Variants in ICE1 observed in about 807,000 individuals in gnomAD.
ICE1 encodes the protein interactor of little elongation complex ELL subunit 1, also known as little elongation complex subunit 1.
ICE1 carries 64 observed loss-of-function variants against 192.7 expected under a neutral mutation model. That is an observed-to-expected ratio of 0.33 (90% CI 0.27 to 0.41). The LOEUF (loss-of-function observed/expected upper bound fraction) is 0.41, where lower values mean the gene tolerates loss of function less well. Ranked by LOEUF, ICE1 falls within the 10% of genes least tolerant of loss-of-function variation. The pLI, the probability that ICE1 is intolerant of heterozygous loss-of-function variation, is 1.00. For missense variants in ICE1, 2,708 were observed against 2,696.0 expected, an observed-to-expected ratio of 1.00 and a Z score of -0.10; for synonymous variants, 1,010 against 984.5, an observed-to-expected ratio of 1.03 and a Z score of -0.49.
At position 5,454,610 on chromosome 5, in the gene ICE1, A is replaced by G. The variant is rs1326303372; in HGVS notation, c.663A>G (p.Leu221=). The change falls in exon 11 of 19, where the codon CTA becomes CTG. Residue 221 remains leucine (L), a synonymous_variant. Transcript: ENST00000296564. ...TCTGTGTAAACACAACACACAGACT[A>G]CCTGGTGAAGGCAGCAGGTGTGTCC... ...LWLCVNTTHR[L]PGEGSRCVPE... 6.2e-7 allele frequency: 1 copy of G among 1,613,470 alleles called. No individual in the cohort carries two copies. The highest frequency in any genetic ancestry group is 1.3e-5 in the African/African-American group (1 of 74,924).
chr5:5,480,060 A>G (rs980707713), intron 17 of ICE1, among the ~76,000 whole-genome samples: 5 of 152,134 alleles, frequency 3.3e-5, no homozygotes, highest in African/African-American at 1.2e-4. Context: ...ACAAACCTGT[A>G]CGTTCTGCAT....
At position 5,455,612 on chromosome 5, in the gene ICE1, A is replaced by G. The variant is rs539712351; in HGVS notation, c.691+974A>G. Among the ~76,000 whole-genome samples the G allele has an allele frequency of 2.6e-5, 4 of 152,318 alleles. No homozygotes were observed. The South Asian group carries it at 6.2e-4, about 24-fold the overall frequency. On this transcript the variant is annotated intron_variant, in intron 11 of 18. Coordinates refer to ENST00000296564, the MANE Select transcript of ICE1 (RefSeq NM_015325.3). ...ATTTAAAAATATGCTTTTGAGGGGT[A>G]AATATATTACGTTAATTTTTCCAAA...
In ICE1 at chr5:5,435,678, G is replaced by GTT. The variant is rs796599483; in HGVS notation, c.85-736_85-735dup. 4.2e-4 allele frequency among the ~76,000 whole-genome samples: 49 copies of GTT among 116,724 alleles called. 1 individual carries two copies. Among genetic ancestry groups the GTT allele is most frequent in the African/African-American group, 1.4e-3 (45 of 31,938 alleles). The allele number at this position is 116,724 out of a possible 152,430, so 76.6% of individuals were successfully genotyped here. A position where few individuals can be genotyped will look rare whatever the true frequency, so the allele number is the denominator to read the frequency against. On this transcript the variant is annotated intron_variant, in intron 1 of 18. Transcript: ENST00000296564. ...TTGTGTTTTTTTTTTTTTTTGTTTT[G>GTT]TTTTTGTTTTTTTTTTCGAGATGGA... is the stretch of plus-strand genomic sequence containing the variant.
chr5:5,424,359 G>C (rs1317438057), intron 1 of ICE1, among the ~76,000 whole-genome samples: 2 of 152,116 alleles, frequency 1.3e-5, no homozygotes, highest in Non-Finnish European at 2.9e-5. Context: ...GCATTGTGTA[G>C]GTATCTTATA....
intron 1 of ICE1, among the ~76,000 whole-genome samples, chr5:5,424,282 G>A (rs1230104716): frequency 6.6e-6 from 1 of 152,160 alleles, no homozygotes; most frequent in Non-Finnish European, 1.5e-5. Flanking sequence ...TGAAGGAAGG[G>A]GAGGAAGGAA....
chr5:5,452,958 C>T (rs989845195), intron 10 of ICE1, among the ~76,000 whole-genome samples: 9 of 152,100 alleles, frequency 5.9e-5, no homozygotes, highest in Non-Finnish European at 1.0e-4. Flanking sequence ...GTGAAGTTAA[C>T]GCTGAAGATG....
chr5:5,443,315 G>A, intron 6 of ICE1, 71 bp downstream of exon 6: 1 of 828,226 alleles, frequency 1.2e-6, no homozygotes. Context: ...TAAGTCGGTA[G>A]TGTTTTTTTT....
chr5:5,471,323 G>A (rs887754910), intron 15 of ICE1, among the ~76,000 whole-genome samples: 3 of 151,996 alleles, frequency 2.0e-5, no homozygotes, highest in African/African-American at 7.2e-5. Flanking sequence ...TGAAAAGACT[G>A]GTTGAAAAGA....
chr5:5,446,193 A>T (rs1561079810), intron 7 of ICE1, among the ~76,000 whole-genome samples: 1 of 150,062 alleles, frequency 6.7e-6, no homozygotes. Context: ...TTTTGTAGAG[A>T]TAGGGTTGCC....
intron 1 of ICE1, among the ~76,000 whole-genome samples, chr5:5,435,698 G>A (rs1737854646): frequency 1.0e-5 from 1 of 96,240 alleles, no homozygotes; most frequent in Non-Finnish European, 1.9e-5. Flanking sequence ...TTTTTTTCGA[G>A]ATGGAATCTC....
In ICE1 at chr5:5,473,640, G is replaced by A. The variant is rs1034610060; in HGVS notation, c.6305G>A (p.Ser2102Asn). The A allele has an allele frequency of 3.1e-6, 5 of 1,613,504 alleles. No individual in the cohort carries two copies. The highest frequency in any genetic ancestry group is 4.2e-6 in the Non-Finnish European group (5 of 1,179,746). Residue 2102 changes from serine (S) to asparagine (N), a missense_variant, in exon 16 of 19, where the codon AGT becomes AAT. This residue lies in a region of ICE1 where 342 missense variants were observed against 419.3 expected (regional missense o/e 0.82). Transcript: ENST00000296564. ...TGTCCAAAAACAGAATTTCAACCTAGTGAAAAATTTGGTGAAGACCTAAGT... is the reference window on the plus strand; with the variant it reads ...TGTCCAAAAACAGAATTTCAACCTAATGAAAAATTTGGTGAAGACCTAAGT... ...QLCPKTEFQP[S>N]EKFGEDLSDN...
At position 5,464,216 on chromosome 5, in the gene ICE1, G is replaced by T. The variant is rs200157416; in HGVS notation, c.4882G>T (p.Val1628Leu). 7.4e-6 allele frequency: 12 copies of T among 1,613,398 alleles called. No individual in the cohort carries two copies. The African/African-American group carries it at 1.1e-4, about 14-fold the overall frequency. The change falls in exon 13 of 19, where the codon GTG becomes TTG. Residue 1628 changes from valine (V) to leucine (L), a missense_variant. Val to Leu is a conservative substitution (Grantham distance 32). Transcript: ENST00000296564. The surrounding 1 kb of genome is among the most constrained non-coding windows in gnomAD (Gnocchi z 4.0). Reference sequence around the variant, plus strand: ...CACACTGAGTAAAATACGGCAAGAGGTGGGGCCTCCTTTGCCGCCTCTGCT... The same window carrying T: ...CACACTGAGTAAAATACGGCAAGAGTTGGGGCCTCCTTTGCCGCCTCTGCT... Reference protein sequence around the residue: ...PDTLSKIRQEVGPPLPPLLAP... With the variant: ...PDTLSKIRQELGPPLPPLLAP...
At chr5:5,483,127 A>G (rs376980264) in intron 17 of ICE1, among the ~76,000 whole-genome samples, 2 of 152,110 alleles carry the variant, frequency 1.3e-5, no homozygotes, top group East Asian at 1.9e-4. Flanking sequence ...AGTAGCTGGG[A>G]TTACAGGCAT....
chr5:5,472,282 T>A (rs1561096501), intron 15 of ICE1, among the ~76,000 whole-genome samples: 2 of 152,316 alleles, frequency 1.3e-5, no homozygotes, highest in East Asian at 3.9e-4. Flanking sequence ...AAATATTCAA[T>A]GTTTACAAAC....
At chr5:5,429,978 G>T (rs1405859823) in intron 1 of ICE1, among the ~76,000 whole-genome samples, 1 of 152,196 alleles carries the variant, frequency 6.6e-6, no homozygotes, top group Non-Finnish European at 1.5e-5. Flanking sequence ...AAAGATGGTA[G>T]TTATGAGAGA....
chr5:5,426,869 A>G (rs918090539), intron 1 of ICE1, among the ~76,000 whole-genome samples: 8 of 152,230 alleles, frequency 5.3e-5, no homozygotes, highest in African/African-American at 1.9e-4. Flanking sequence ...AGAGAAACTA[A>G]AGAGGTACAG....
At chr5:5,460,014 G>A (rs968116301) in intron 12 of ICE1, among the ~76,000 whole-genome samples, 5 of 152,142 alleles carry the variant, frequency 3.3e-5, no homozygotes, top group African/African-American at 9.7e-5. Flanking sequence ...AGGCTGTACC[G>A]GGCACAAGTC....
At chr5:5,451,731 G>A (rs533954599) in intron 10 of ICE1, among the ~76,000 whole-genome samples, 1 of 152,192 alleles carries the variant, frequency 6.6e-6, no homozygotes, top group South Asian at 2.1e-4. Context: ...TTATAGGTGA[G>A]CTTTGTAAAC....
chr5:5,472,542 A>C (rs556705381), intron 15 of ICE1, among the ~76,000 whole-genome samples: 3 of 152,180 alleles, frequency 2.0e-5, no homozygotes, highest in Admixed American at 6.5e-5. Flanking sequence ...GAAGTCACTG[A>C]TTTTTCTAAG....
Sources: gnomAD v4.1 joint callset for allele counts (sites outside exome capture counted in the v4.1 genomes callset) on GRCh38, gnomAD v4.1.1 for gene constraint, gnomAD v4.1.1 regional missense constraint, Gnocchi (gnomAD v3.1) non-coding constraint, MANE v1.5 for transcripts, NCBI Gene and HGNC (gene_info 2026-07-23, HGNC 2026-07-21) for gene names.